ZNF428: variants seen among roughly 807,000 people sequenced by gnomAD.
ZNF428 encodes enzyme-like protein PIT13.
ZNF428 carries 5 observed loss-of-function variants against 15.6 expected under a neutral mutation model. The ratio of observed to expected loss-of-function variants is 0.32; its 90% CI spans 0.17 to 0.67. The LOEUF (loss-of-function observed/expected upper bound fraction) is 0.67, where lower values mean the gene tolerates loss of function less well. Among genes scored for constraint, ZNF428 ranks in the 30% least tolerant of loss-of-function variants. ZNF428 has a pLI of 0.73. For missense variants in ZNF428, 237 were observed against 256.0 expected, an observed-to-expected ratio of 0.93 and a Z score of 0.51; for synonymous variants, 97 against 102.2, an observed-to-expected ratio of 0.95 and a Z score of 0.31.
At chr19:43,614,097 C>A (rs1973345881) in intron 2 of ZNF428, 132 bp downstream of exon 2, 6 of 1,577,426 alleles carry the variant, frequency 3.8e-6, no homozygotes, top group Non-Finnish European at 5.2e-6. Flanking sequence ...CCTACTAGGA[C>A]AAGCAGTCTC....
At chr19:43,611,555 G>C in intron 2 of ZNF428, among the ~76,000 whole-genome samples, 1 of 152,066 alleles carries the variant, frequency 6.6e-6, no homozygotes, top group East Asian at 1.9e-4. Flanking sequence ...CCTGACCTCA[G>C]GTGATCTGCC....
rs894529880 is a variant in ZNF428, at chr19:43,611,923, A to T, written c.76+2306T>A. On this transcript the variant is annotated intron_variant, in intron 2 of 2. Coordinates refer to ENST00000300811, the MANE Select transcript of ZNF428 (RefSeq NM_182498.4). ...GCTGAATGGCTGCAAACCAGAGGAA[A>T]TATCTCCAGCCTCAGGCTGGGACCC... 5.0e-6 allele frequency: 3 copies of T among 604,152 alleles called. No homozygotes were observed. The African/African-American group carries it at 5.6e-5, about 11-fold the overall frequency. 37.4% of individuals were successfully genotyped at this position (604,152 alleles called of 1,614,324 possible).
Position 43,612,464 on chromosome 19 carries a change from AG to A in ZNF428, c.76+1764del. ...CAGCGACGTGAGATGCCACCAGCGG[AG>A]GGGCACACACAGCCGGGGTAGGACA... On this transcript the variant is annotated intron_variant, in intron 2 of 2. Coordinates refer to ENST00000300811, the MANE Select transcript of ZNF428 (RefSeq NM_182498.4). The surrounding 1 kb of genome is among the most constrained non-coding windows in gnomAD (Gnocchi z 4.2). 1 of 1,551,594 alleles carries A rather than the reference AG, an allele frequency of 6.4e-7. No homozygotes were observed. Among genetic ancestry groups the A allele is most frequent in the Non-Finnish European group, 8.7e-7 (1 of 1,146,960 alleles).
At chr19:43,615,882 T>C (rs959358283) in intron 1 of ZNF428, among the ~76,000 whole-genome samples, 4 of 152,126 alleles carry the variant, frequency 2.6e-5, no homozygotes. Context: ...CCTCAGGTGG[T>C]TAGCTATGCG....
At position 43,608,259 on chromosome 19, in the gene ZNF428, A is replaced by G. The variant is rs560651816; in HGVS notation, c.77-152T>C. On this transcript the variant is annotated intron_variant, in intron 2 of 2. Transcript: ENST00000300811. ...TTCCCTTCCCCACAGATGAGTCCCC[A>G]TGGCACAGAACAAGACTGGCACCCA... 21 of 1,016,936 alleles carry G rather than the reference A, an allele frequency of 2.1e-5. No individual in the cohort carries two copies. The East Asian group carries it at 4.5e-4, about 22-fold the overall frequency. 63.0% of individuals were successfully genotyped at this position (1,016,936 alleles called of 1,614,324 possible). A position where few individuals can be genotyped will look rare whatever the true frequency, so the allele number is the denominator to read the frequency against.
intron 2 of ZNF428, 150 bp from the exon 3 acceptor site, chr19:43,608,257 C>T (rs1953078396): frequency 3.9e-6 from 4 of 1,033,712 alleles, no homozygotes; most frequent in South Asian, 3.2e-5. Context: ...AGATGAGTCC[C>T]CATGGCACAG....
At chr19:43,619,106 G>C (rs1973407707) in intron 1 of ZNF428, among the ~76,000 whole-genome samples, 1 of 152,186 alleles carries the variant, frequency 6.6e-6, no homozygotes, top group South Asian at 2.1e-4. Context: ...CAATGCTCGA[G>C]CAAAGAGACC....
rs1187967571 is a variant in ZNF428, at chr19:43,612,794, A to G, written c.76+1435T>C. ...AGCCAAGTGTCAAACCCCGACTGGAATTCCCTCCAAGGAGAAGAGTGACAA... is the reference window on the plus strand; with the variant it reads ...AGCCAAGTGTCAAACCCCGACTGGAGTTCCCTCCAAGGAGAAGAGTGACAA... On this transcript the variant is annotated intron_variant, in intron 2 of 2. Transcript: ENST00000300811. This position sits in a 1 kb window ranked among gnomAD's most constrained non-coding sequence, Gnocchi z 4.2. 1 of 1,551,636 alleles carries G rather than the reference A, an allele frequency of 6.4e-7. No individual in the cohort carries two copies. Among genetic ancestry groups the G allele is most frequent in the Admixed American group, 2.0e-5 (1 of 50,990 alleles).
chr19:43,619,403 G>A (rs1973412285), intron 1 of ZNF428, among the ~76,000 whole-genome samples, 155 bp downstream of exon 1: 1 of 152,242 alleles, frequency 6.6e-6, no homozygotes, highest in Admixed American at 6.5e-5. Flanking sequence ...CCCCAGGGCG[G>A]CACAAACGCG....
chr19:43,608,115 G>C lies in ZNF428; in HGVS notation c.77-8C>G. 3 of 1,606,274 alleles carry C rather than the reference G, an allele frequency of 1.9e-6. No homozygotes were observed. Among genetic ancestry groups the C allele is most frequent in the Non-Finnish European group, 2.6e-6 (3 of 1,176,056 alleles). The stretch of plus-strand genomic sequence containing the variant: ...CAGAGGAATGCTCGGGGCCTGGAGG[G>C]GGACAGACAGGGGAAGACAGTGGTA... On this transcript the variant is annotated splice_region_variant and splice_polypyrimidine_tract_variant and intron_variant, in intron 2 of 2. Coordinates refer to ENST00000300811, the MANE Select transcript of ZNF428 (RefSeq NM_182498.4).
intron 2 of ZNF428, 122 bp downstream of exon 2, chr19:43,614,107 C>CA: frequency 6.3e-7 from 1 of 1,588,756 alleles, no homozygotes; most frequent in Non-Finnish European, 8.6e-7. Flanking sequence ...CAAGCAGTCT[C>CA]AGTCAGAATA....
chr19:43,607,961 G>A lies in ZNF428; in HGVS notation c.223C>T (p.Arg75Cys), dbSNP rs770279247. The A allele has an allele frequency of 2.6e-5, 41 of 1,596,840 alleles. No homozygotes were observed. Among genetic ancestry groups the A allele is most frequent in the African/African-American group, 4.0e-5 (3 of 74,660 alleles). The change falls in exon 3 of 3, where the codon CGT (arginine) becomes TGT (cysteine). Residue 75 changes from arginine to cysteine, a missense_variant. Physicochemically the swap from Arg to Cys is radical, Grantham distance 180 (BLOSUM62 -3). Coordinates refer to ENST00000300811, the MANE Select transcript of ZNF428 (RefSeq NM_182498.4). The surrounding 1 kb of genome is among the most constrained non-coding windows in gnomAD (Gnocchi z 5.1). ...YKVKQRLGGG[R>C]GGPSRRAPRA... ...GGGGCCCGGCGGGATGGGCCACCAC[G>A]GCCCCCGCCAAGGCGCTGCTTCACC...
Position 43,607,534 on chromosome 19 carries a change from T to A in ZNF428, c.*83A>T. ...CAGACCGGCAGTACCCCATCCCCCA[T>A]GACCACTGTCACAACCCCAATTTCC... is the stretch of plus-strand genomic sequence containing the variant. On this transcript the variant is annotated 3_prime_UTR_variant, in exon 3 of 3. Coordinates refer to ENST00000300811, the MANE Select transcript of ZNF428 (RefSeq NM_182498.4). The surrounding 1 kb of genome is among the most constrained non-coding windows in gnomAD (Gnocchi z 5.1). 29 of 1,445,398 alleles carry A rather than the reference T, an allele frequency of 2.0e-5. No homozygotes were observed. The highest frequency in any genetic ancestry group is 2.7e-5 in the South Asian group (2 of 73,396). The allele number at this position is 1,445,398 out of a possible 1,614,324, so 89.5% of individuals were successfully genotyped here.
At chr19:43,617,516 G>A (rs1973383346) in intron 1 of ZNF428, among the ~76,000 whole-genome samples, 1 of 152,108 alleles carries the variant, frequency 6.6e-6, no homozygotes, top group African/African-American at 2.4e-5. Context: ...TCATTGGCAG[G>A]GCAACTTCCT....
chr19:43,608,692 G>A (rs138113765), intron 2 of ZNF428: 1,861 of 152,204 alleles, frequency 0.012, 17 homozygotes, highest in Middle Eastern at 0.051. Flanking sequence ...CACTTTGGGA[G>A]GCCAAGGTGG....
At position 43,612,724 on chromosome 19, in the gene ZNF428, C is replaced by T; in HGVS notation, c.76+1505G>A. On this transcript the variant is annotated intron_variant, in intron 2 of 2. Coordinates refer to ENST00000300811, the MANE Select transcript of ZNF428 (RefSeq NM_182498.4). The surrounding 1 kb of genome is among the most constrained non-coding windows in gnomAD (Gnocchi z 4.2). ...AGAAGAGTTACCGCCCACCAGGAGG[C>T]TCAGGTATAGGGAGGAGTTCCGAGC... is the stretch of plus-strand genomic sequence containing the variant. 6.4e-7 allele frequency: 1 copy of T among 1,551,654 alleles called. No homozygotes were observed. The highest frequency in any genetic ancestry group is 8.7e-7 in the Non-Finnish European group (1 of 1,146,998).
In ZNF428 at chr19:43,612,486, G is replaced by A; in HGVS notation, c.76+1743C>T. On this transcript the variant is annotated intron_variant, in intron 2 of 2. Coordinates refer to ENST00000300811, the MANE Select transcript of ZNF428 (RefSeq NM_182498.4). This position sits in a 1 kb window ranked among gnomAD's most constrained non-coding sequence, Gnocchi z 4.2. Reference sequence around the variant, plus strand: ...CGGAGGGGCACACACAGCCGGGGTAGGACACCTGGCAGAAGGGGAAGCCGC... The same window carrying A: ...CGGAGGGGCACACACAGCCGGGGTAAGACACCTGGCAGAAGGGGAAGCCGC... 5.2e-6 allele frequency: 8 copies of A among 1,551,470 alleles called. No homozygotes were observed. The highest frequency in any genetic ancestry group is 7.0e-6 in the Non-Finnish European group (8 of 1,146,974).
At chr19:43,608,940 CAAAA>C (rs201526533) in intron 2 of ZNF428, among the ~76,000 whole-genome samples, 1 of 62,370 alleles carries the variant, frequency 1.6e-5, no homozygotes, top group Non-Finnish European at 3.5e-5. Flanking sequence ...TAGAAAAAAG[CAAAA>C]AAAAAAAAAA....
intron 1 of ZNF428, among the ~76,000 whole-genome samples, chr19:43,616,387 C>T (rs1407888730): frequency 6.6e-6 from 1 of 152,224 alleles, no homozygotes; most frequent in African/African-American, 2.4e-5. Context: ...AAGCAAAGAA[C>T]TTAACTTCTC....
Sources: allele counts gnomAD v4.1 joint callset (sites outside exome capture counted in the v4.1 genomes callset), GRCh38; gene constraint gnomAD v4.1.1; non-coding constraint Gnocchi (gnomAD v3.1); transcripts MANE v1.5; gene names NCBI Gene and HGNC (gene_info 2026-07-23, HGNC 2026-07-21).